The following UBE2L3 variants were observed in gnomAD, a reference collection of about 807,000 sequenced individuals.
UBE2L3 encodes ubiquitin-conjugating enzyme E2 L3.
UBE2L3 carries 1 observed loss-of-function variant against 17.8 expected under a neutral mutation model. The ratio of observed to expected loss-of-function variants is 0.06; its 90% CI spans 0.02 to 0.27. The LOEUF (loss-of-function observed/expected upper bound fraction) is 0.27. Among genes scored for constraint, UBE2L3 ranks in the 10% least tolerant of loss-of-function variants. The probability of loss-of-function intolerance (pLI) is 1.00; values close to 1 mark genes in which losing one functional copy is unlikely to be tolerated. For synonymous variants in UBE2L3, 44 were observed against 68.5 expected (o/e 0.64, Z 1.76); for missense variants, 40 against 192.6 (o/e 0.21, Z 4.69).
intron 3 of UBE2L3, among the ~76,000 whole-genome samples, chr22:21,617,860 A>G (rs1187155232): frequency 1.3e-5 from 2 of 152,190 alleles, no homozygotes; most frequent in Middle Eastern, 6.3e-3. Context: ...TGAAATACTT[A>G]TCAGAACTAC....
intron 2 of UBE2L3, among the ~76,000 whole-genome samples, chr22:21,607,514 TAAAAAAA>T (rs758366095): frequency 2.8e-5 from 3 of 108,978 alleles, no homozygotes; most frequent in South Asian, 3.1e-4. Context: ...GACTCCGTCT[TAAAAAAA>T]AAAAAAAAAA....
chr22:21,610,054 C>G (rs144908301), intron 2 of UBE2L3, among the ~76,000 whole-genome samples: 1 of 152,208 alleles, frequency 6.6e-6, no homozygotes, highest in Non-Finnish European at 1.5e-5. Context: ...TAGCTTCTAA[C>G]GACAAATTTA....
At chr22:21,556,452 C>T (rs116907303) in intron 1 of UBE2L3, among the ~76,000 whole-genome samples, 733 of 152,080 alleles carry the variant, frequency 4.8e-3, no homozygotes, top group Non-Finnish European at 8.3e-3. Context: ...TTTTTGGAGA[C>T]AGGGTCTTGC....
chr22:21,589,085 C>T (rs1167445519), intron 1 of UBE2L3, among the ~76,000 whole-genome samples: 7 of 151,808 alleles, frequency 4.6e-5, no homozygotes, highest in Non-Finnish European at 1.0e-4. Context: ...TGAACCACTG[C>T]GCCTGGCCTG....
intron 3 of UBE2L3, among the ~76,000 whole-genome samples, chr22:21,619,156 G>A (rs549632349): frequency 6.6e-6 from 1 of 152,288 alleles, no homozygotes; most frequent in Non-Finnish European, 1.5e-5. Flanking sequence ...CAGGAAAAGG[G>A]AGCAGTCTCA....
At chr22:21,603,785 C>T (rs1928992804) in intron 2 of UBE2L3, among the ~76,000 whole-genome samples, 1 of 149,702 alleles carries the variant, frequency 6.7e-6, no homozygotes, top group Admixed American at 6.7e-5. Context: ...TGCAGTGAGC[C>T]GAGATTGCGC....
chr22:21,568,953 ACAGT>A (rs990705630), intron 1 of UBE2L3, among the ~76,000 whole-genome samples: 15 of 152,216 alleles, frequency 9.9e-5, no homozygotes, highest in African/African-American at 2.9e-4. Context: ...GCACAAAAGA[ACAGT>A]CAGAGGACTT....
intron 3 of UBE2L3, among the ~76,000 whole-genome samples, chr22:21,620,462 C>A (rs77836506): frequency 2.6e-5 from 4 of 152,004 alleles, no homozygotes; most frequent in African/African-American, 9.7e-5. Context: ...ATCAGCAGTT[C>A]GGAGAAGAGG....
chr22:21,608,741 A>AT (rs779049247), intron 2 of UBE2L3, among the ~76,000 whole-genome samples: 11,869 of 109,832 alleles, frequency 0.11, 1,892 homozygotes, highest in African/African-American at 0.31. Context: ...AATATATTTA[A>AT]TTTTTTTTTT....
chr22:21,621,530 T>C lies in UBE2L3; in HGVS notation c.326T>C (p.Ile109Thr), dbSNP rs766843470. ...CTCTTGGCAGTAATCCAGTCCCTCA[T>C]AGCACTGGTGAATGACCCCCAGCCT... is the stretch of plus-strand genomic sequence containing the variant. ...TKTDQVIQSL[I>T]ALVNDPQPEH... Residue 109 changes from isoleucine to threonine, a missense_variant, in exon 4 of 4, where the codon ATA (isoleucine) becomes ACA (threonine). Transcript: ENST00000342192. 6.2e-7 allele frequency: 1 copy of C among 1,611,494 alleles called. No homozygotes were observed.
intron 1 of UBE2L3, among the ~76,000 whole-genome samples, chr22:21,573,674 T>G (rs1481191440): frequency 2.0e-5 from 3 of 151,958 alleles, no homozygotes; most frequent in African/African-American, 4.8e-5. Context: ...TGAGGTTGAG[T>G]CTCTCTCATC....
intron 2 of UBE2L3, among the ~76,000 whole-genome samples, chr22:21,606,299 C>T (rs532080215): frequency 1.6e-4 from 22 of 134,476 alleles, no homozygotes; most frequent in Admixed American, 3.9e-4. Flanking sequence ...AGTGTGCGCG[C>T]GCGCGTGTGT....
chr22:21,555,872 C>T lies in UBE2L3; in HGVS notation c.201+6222C>T, dbSNP rs376028344. Among the ~76,000 whole-genome samples the T allele has an allele frequency of 4.2e-4, 64 of 152,382 alleles. 1 individual carries two copies. The highest frequency in any genetic ancestry group is 4.1e-3 in the East Asian group (21 of 5,184). ...ACTTGAACCCAGGAGGTGGAGGTTA[C>T]AGTGGGCTGAGATCGTGCCATTGCA... is the stretch of plus-strand genomic sequence containing the variant. On this transcript the variant is annotated intron_variant, in intron 1 of 3. Transcript: ENST00000458578.
intron 3 of UBE2L3, among the ~76,000 whole-genome samples, chr22:21,612,730 G>A (rs1929562790): frequency 8.1e-6 from 1 of 123,658 alleles, no homozygotes; most frequent in Non-Finnish European, 1.6e-5. Flanking sequence ...TGTAACCTCC[G>A]CCTCCCGGGT....
intron 1 of UBE2L3, among the ~76,000 whole-genome samples, chr22:21,581,679 G>C (rs1286587124): frequency 1.3e-5 from 2 of 152,002 alleles, no homozygotes. Flanking sequence ...GCGGGCGCCT[G>C]TAATCCCAGC....
rs1930078881 is a variant in UBE2L3, at chr22:21,622,429, G to A, written c.*760G>A. 6.5e-6 allele frequency: 1 copy of A among 152,930 alleles called. No individual in the cohort carries two copies. The highest frequency in any genetic ancestry group is 1.5e-5 in the Non-Finnish European group (1 of 68,156). The allele number at this position is 152,930 out of a possible 1,614,324, so 9.5% of individuals were successfully genotyped here. A position where few individuals can be genotyped will look rare whatever the true frequency, so the allele number is the denominator to read the frequency against. The stretch of plus-strand genomic sequence containing the variant: ...TGGCCCCGAAATGGGGGGCCTGCTA[G>A]TCAGGAGGATGCTGTGCACACTGTG... On this transcript the variant is annotated 3_prime_UTR_variant, in exon 4 of 4. Transcript: ENST00000342192.
chr22:21,613,443 A>G lies in UBE2L3; in HGVS notation c.310+2400A>G, dbSNP rs548251628. Among the ~76,000 whole-genome samples the G allele has an allele frequency of 2.7e-3, 415 of 152,242 alleles. 4 individuals are homozygous for G. Among genetic ancestry groups the G allele is most frequent in the Middle Eastern group, 0.017 (5 of 294 alleles). ...TGGTACAGGAGCTATTCTGTGTGCC[A>G]TGATGGACAGAACTGGAATTGCTAT... On this transcript the variant is annotated intron_variant, in intron 3 of 3. Coordinates refer to ENST00000342192, the MANE Select transcript of UBE2L3 (RefSeq NM_003347.4).
At chr22:21,619,829 C>T (rs1929963352) in intron 3 of UBE2L3, among the ~76,000 whole-genome samples, 1 of 152,192 alleles carries the variant, frequency 6.6e-6, no homozygotes, top group East Asian at 1.9e-4. Flanking sequence ...GTAGCTGGGA[C>T]TCTAGGCATG....
chr22:21,584,625 T>C (rs1927834330), intron 1 of UBE2L3, among the ~76,000 whole-genome samples: 1 of 151,418 alleles, frequency 6.6e-6, no homozygotes, highest in African/African-American at 2.4e-5. Context: ...AGAGATGAGG[T>C]CTTACTGTGT....
Sources: allele counts gnomAD v4.1 joint callset (sites outside exome capture counted in the v4.1 genomes callset), GRCh38; gene constraint gnomAD v4.1.1; transcripts MANE v1.5; gene names NCBI Gene and HGNC (gene_info 2026-07-23, HGNC 2026-07-21).